FAM83C: variants seen among roughly 807,000 people sequenced by gnomAD.
The protein encoded by FAM83C is protein FAM83C.
In FAM83C, 23 loss-of-function variants were observed where a neutral mutation model predicts 27.1. The ratio of observed to expected loss-of-function variants is 0.85; its 90% CI spans 0.61 to 1.20. FAM83C has a LOEUF of 1.20. Among genes scored for constraint, FAM83C ranks in the 50% most tolerant of loss-of-function variants. The pLI is 0.00. For synonymous variants in FAM83C, 426 were observed against 423.1 expected (o/e 1.01, Z -0.09); for missense variants, 984 against 1,001.3 (o/e 0.98, Z 0.23).
At chr20:35,289,200 C>A (rs990922902) in intron 1 of FAM83C, among the ~76,000 whole-genome samples, 2 of 152,190 alleles carry the variant, frequency 1.3e-5, no homozygotes, top group African/African-American at 4.8e-5. Context: ...GTCTGTCTCA[C>A]TCTGTTGCCC....
chr20:35,287,337 C>T lies in FAM83C; in HGVS notation c.1442G>A (p.Gly481Asp), dbSNP rs1200385070. 6.2e-7 allele frequency: 1 copy of T among 1,613,832 alleles called. No individual in the cohort carries two copies. The highest frequency in any genetic ancestry group is 8.5e-7 in the Non-Finnish European group (1 of 1,180,004). Reference sequence around the variant, plus strand: ...CAGGGTTGTGCCAGGTACCCATCGACCCCGCAGGGGGCTGGGCTCTTGGCT... The same window carrying T: ...CAGGGTTGTGCCAGGTACCCATCGATCCCGCAGGGGGCTGGGCTCTTGGCT... Reference protein sequence around the residue: ...PGSQEPSPLRGRWVPGTTLET... With the variant: ...PGSQEPSPLRDRWVPGTTLET... Residue 481 changes from glycine (G) to aspartate (D), a missense_variant, in exon 4 of 4, where the codon GGT becomes GAT. Physicochemically the swap from Gly to Asp is moderately conservative, Grantham distance 94. Transcript: ENST00000374408.
At position 35,287,431 on chromosome 20, in the gene FAM83C, G is replaced by A. The variant is rs369109150; in HGVS notation, c.1348C>T (p.Arg450Trp). 2.3e-5 allele frequency: 37 copies of A among 1,614,006 alleles called. No individual in the cohort carries two copies. Among genetic ancestry groups the A allele is most frequent in the Middle Eastern group, 1.6e-4 (1 of 6,084 alleles). Residue 450 changes from arginine to tryptophan, a missense_variant, in exon 4 of 4, where the codon CGG becomes TGG. Arg to Trp is a moderately radical substitution (Grantham distance 101). Coordinates refer to ENST00000374408, the MANE Select transcript of FAM83C (RefSeq NM_178468.6). ...AVGSPLLPRS[R>W]PLLQFHRGAP... ...CCCCGATGGAACTGGAGGAGGGGCCGGGAGCGAGGAAGCAGAGGTGACCCC... is the reference window on the plus strand; with the variant it reads ...CCCCGATGGAACTGGAGGAGGGGCCAGGAGCGAGGAAGCAGAGGTGACCCC...
intron 3 of FAM83C, among the ~76,000 whole-genome samples, 192 bp from the exon 4 acceptor site, chr20:35,288,164 T>TGGGCA (rs2060835752): frequency 1.4e-5 from 1 of 72,632 alleles, no homozygotes; most frequent in African/African-American, 1.9e-4. Flanking sequence ...GTGTGTGACC[T>TGGGCA]CATGGAGGCC....
In FAM83C at chr20:35,287,674, C is replaced by T. The variant is rs745444001; in HGVS notation, c.1105G>A (p.Gly369Ser). 2.5e-5 allele frequency: 40 copies of T among 1,613,912 alleles called. No homozygotes were observed. The highest frequency in any genetic ancestry group is 3.1e-5 in the Non-Finnish European group (36 of 1,179,944). Residue 369 changes from glycine to serine, a missense_variant, in exon 4 of 4, where the codon GGT becomes AGT. Physicochemically the swap from Gly to Ser is moderately conservative, Grantham distance 56. Transcript: ENST00000374408. ...RSSYLALPGG[G>S]DCSDTGVVSS... Reference sequence around the variant, plus strand: ...ACCACACCCGTATCACTGCAATCACCACCTCCTGGTAGAGCGAGGTAGGAG... The same window carrying T: ...ACCACACCCGTATCACTGCAATCACTACCTCCTGGTAGAGCGAGGTAGGAG...
At chr20:35,289,801 A>G (rs1345715533) in intron 1 of FAM83C, among the ~76,000 whole-genome samples, 1 of 152,150 alleles carries the variant, frequency 6.6e-6, no homozygotes, top group Non-Finnish European at 1.5e-5. Context: ...GCTGTTTGAA[A>G]GCATTTGTGT....
intron 3 of FAM83C, 85 bp from the exon 4 acceptor site, chr20:35,288,057 G>GGCT: frequency 8.4e-7 from 1 of 1,190,544 alleles, no homozygotes; most frequent in Non-Finnish European, 1.2e-6. Flanking sequence ...GTGCATACCT[G>GGCT]GTCCAGCACG....
In FAM83C at chr20:35,287,768, G is replaced by A; in HGVS notation, c.1011C>T (p.Ser337=). The change falls in exon 4 of 4, where the codon AGC becomes AGT. Residue 337 remains serine (S), a synonymous_variant. Transcript: ENST00000374408. ...VALAFRPDVP[S]PTSSLPSSTS... Reference sequence around the variant, plus strand: ...TGCTGGAGGGCAGGGACGACGTGGGGCTTGGGACATCAGGCCTGAAGGCTA... The same window carrying A: ...TGCTGGAGGGCAGGGACGACGTGGGACTTGGGACATCAGGCCTGAAGGCTA... 6.2e-7 allele frequency: 1 copy of A among 1,612,512 alleles called. No homozygotes were observed. The highest frequency in any genetic ancestry group is 8.5e-7 in the Non-Finnish European group (1 of 1,179,240).
In FAM83C at chr20:35,287,147, C is replaced by T. The variant is rs904840678; in HGVS notation, c.1632G>A (p.Arg544=). Residue 544 remains arginine, a synonymous_variant, in exon 4 of 4, where the codon AGG becomes AGA. Coordinates refer to ENST00000374408, the MANE Select transcript of FAM83C (RefSeq NM_178468.6). The part of the protein sequence containing the change: ...LRPGEQAPED[R]RLSPSQADSQ... ...TGTCGGCCTGGCTTGGGGACAACCT[C>T]CTGTCCTCTGGGGCCTGCTCGCCAG... 35 of 1,605,238 alleles carry T rather than the reference C, an allele frequency of 2.2e-5. No individual in the cohort carries two copies. The East Asian group carries it at 7.8e-4, about 36-fold the overall frequency.
rs138855147 is a variant in FAM83C at position 35,286,824 on chromosome 20, T to C, written c.1955A>G (p.Asn652Ser). The C allele has an allele frequency of 4.3e-4, 689 of 1,613,934 alleles. 2 individuals are homozygous for C. The Middle Eastern group carries it at 5.1e-3, about 12-fold the overall frequency. Residue 652 changes from asparagine to serine, a missense_variant, in exon 4 of 4, where the codon AAT (asparagine) becomes AGT (serine). By Grantham distance (46) the Asn-to-Ser change is conservative. Coordinates refer to ENST00000374408, the MANE Select transcript of FAM83C (RefSeq NM_178468.6). ...GPFRGEGPGP[N>S]GLPISSPART... ...AGCAGGGCTTGATATCGGGAGACCATTGGGCCCAGGCCCCTCACCACGGAA... is the reference window on the plus strand; with the variant it reads ...AGCAGGGCTTGATATCGGGAGACCACTGGGCCCAGGCCCCTCACCACGGAA...
At position 35,288,525 on chromosome 20, in the gene FAM83C, T is replaced by G; in HGVS notation, c.742A>C (p.Thr248Pro). ...TYCSKAGRRF[T>P]GQALEKFVLI... is the part of the protein sequence containing the mutation. ...ACGAACTTCTCCAGGGCCTGCCCCG[T>G]GAAGCGGCGGCCAGCCTTGCTGCAG... The change falls in exon 3 of 4, where the codon ACG (threonine) becomes CCG (proline). Residue 248 changes from threonine to proline, a missense_variant. Physicochemically the swap from Thr to Pro is conservative, Grantham distance 38. Transcript: ENST00000374408. 6.2e-7 allele frequency: 1 copy of G among 1,614,224 alleles called. No individual in the cohort carries two copies. Among genetic ancestry groups the G allele is most frequent in the Non-Finnish European group, 8.5e-7 (1 of 1,180,030 alleles).
At position 35,290,045 on chromosome 20, in the gene FAM83C, C is replaced by T. The variant is rs75330052; in HGVS notation, c.514-1087G>A. On this transcript the variant is annotated intron_variant, in intron 1 of 3. Coordinates refer to ENST00000374408, the MANE Select transcript of FAM83C (RefSeq NM_178468.6). ...GCTCCCTTCTCCAGGGTCACAGCTA[C>T]AAGCCACTTACTGGGGTCTTCGCTG... Among the ~76,000 whole-genome samples, 15 of 152,324 alleles carry T rather than the reference C, an allele frequency of 9.8e-5. No individual in the cohort carries two copies. The East Asian group carries it at 2.3e-3, about 24-fold the overall frequency.
In FAM83C at chr20:35,292,328, C is replaced by T. The variant is rs890947472; in HGVS notation, c.-24G>A. 1.9e-5 allele frequency: 28 copies of T among 1,462,886 alleles called. No homozygotes were observed. The highest frequency in any genetic ancestry group is 2.8e-5 in the African/African-American group (2 of 70,562). 90.6% of individuals were successfully genotyped at this position (1,462,886 alleles called of 1,614,324 possible). A position where few individuals can be genotyped will look rare whatever the true frequency, so the allele number is the denominator to read the frequency against. On this transcript the variant is annotated 5_prime_UTR_variant, in exon 1 of 4. Coordinates refer to ENST00000374408, the MANE Select transcript of FAM83C (RefSeq NM_178468.6). ...ATGCCTGCCACGCGGCTGCCTCACC[C>T]GCCGGCAGGGCCCATGGCCCGCACG...
rs1437697994 is a variant in FAM83C at position 35,287,524 on chromosome 20, C to A, written c.1255G>T (p.Ala419Ser). The change falls in exon 4 of 4, where the codon GCA becomes TCA. Residue 419 changes from alanine to serine, a missense_variant. Coordinates refer to ENST00000374408, the MANE Select transcript of FAM83C (RefSeq NM_178468.6). ...LYRANLGKLGAYPWSQSSPAL... is the reference protein window; with the variant it reads ...LYRANLGKLGSYPWSQSSPAL... ...GGGGAGGACTGGGACCATGGGTATGCCCCTAGCTTGCCGAGATTGGCCCTA... is the reference window on the plus strand; with the variant it reads ...GGGGAGGACTGGGACCATGGGTATGACCCTAGCTTGCCGAGATTGGCCCTA... The A allele has an allele frequency of 1.2e-6, 2 of 1,614,132 alleles. No homozygotes were observed. The highest frequency in any genetic ancestry group is 3.3e-5 in the Admixed American group (2 of 60,024).
chr20:35,289,545 G>A (rs776897168), intron 1 of FAM83C, among the ~76,000 whole-genome samples: 2 of 151,738 alleles, frequency 1.3e-5, no homozygotes, highest in Non-Finnish European at 2.9e-5. Flanking sequence ...CACCATGTTG[G>A]CCAGGCTGGT....
chr20:35,290,870 T>G (rs2060844996), intron 1 of FAM83C, among the ~76,000 whole-genome samples: 1 of 152,154 alleles, frequency 6.6e-6, no homozygotes, highest in Non-Finnish European at 1.5e-5. Context: ...AGGGAGGCTC[T>G]GGAAGTACCG....
At position 35,287,100 on chromosome 20, in the gene FAM83C, C is replaced by T. The variant is rs866205426; in HGVS notation, c.1679G>A (p.Arg560Gln). The T allele has an allele frequency of 1.6e-5, 25 of 1,604,570 alleles. No homozygotes were observed. The highest frequency in any genetic ancestry group is 1.7e-4 in the Middle Eastern group (1 of 5,994). The change falls in exon 4 of 4, where the codon CGA (arginine) becomes CAA (glutamine). Residue 560 changes from arginine to glutamine, a missense_variant. Arg to Gln is a conservative substitution (Grantham distance 43). Coordinates refer to ENST00000374408, the MANE Select transcript of FAM83C (RefSeq NM_178468.6). ...AGGGGCACCCCCAGTACCCAGGGCT[C>T]GGGACAGGAGATCCAGCTGGCTGTC... ...QADSQLDLLS[R>Q]ALGTGGAPEL...
At chr20:35,288,434 C>T (rs2060836608) in intron 3 of FAM83C, 27 bp downstream of exon 3, 1 of 1,612,590 alleles carries the variant, frequency 6.2e-7, no homozygotes, top group Non-Finnish European at 8.5e-7. Flanking sequence ...AGCCCCAGGC[C>T]CCCCTTGCCT....
intron 2 of FAM83C, 40 bp downstream of exon 2, chr20:35,288,751 C>A: frequency 6.4e-7 from 1 of 1,573,522 alleles, no homozygotes; most frequent in South Asian, 1.2e-5. Context: ...CCCTGACTCC[C>A]CGCCCACACC....
rs765772286 is a variant in FAM83C, at chr20:35,287,388, C to G, written c.1391G>C (p.Arg464Pro). 1 of 1,613,860 alleles carries G rather than the reference C, an allele frequency of 6.2e-7. No individual in the cohort carries two copies. Among genetic ancestry groups the G allele is most frequent in the African/African-American group, 1.3e-5 (1 of 74,938 alleles). ...TCCTGGGAGCCCATTCTCTGGGAAC[C>G]GGGACAGAGCTGGGGCACCCCGATG... ...QFHRGAPALS[R>P]FPENGLPGSQ... The change falls in exon 4 of 4, where the codon CGG (arginine) becomes CCG (proline). Residue 464 changes from arginine (R) to proline (P), a missense_variant. Physicochemically the swap from Arg to Pro is moderately radical, Grantham distance 103 (BLOSUM62 -2). Transcript: ENST00000374408.
Sources: gnomAD v4.1 joint callset for allele counts (sites outside exome capture counted in the v4.1 genomes callset) on GRCh38, gnomAD v4.1.1 for gene constraint, MANE v1.5 for transcripts, NCBI Gene and HGNC (gene_info 2026-07-23, HGNC 2026-07-21) for gene names.